The following ELP3 variants were observed in gnomAD, a reference collection of about 807,000 sequenced individuals.
ELP3 encodes elongator complex protein 3.
A neutral mutation model predicts 74.9 loss-of-function variants in ELP3; 56 were observed. That is an observed-to-expected ratio of 0.75 (90% CI 0.60 to 0.93). ELP3 has a LOEUF of 0.93. Among genes scored for constraint, ELP3 ranks in the 40% least tolerant of loss-of-function variants. The pLI is 0.00. For missense variants in ELP3, 573 were observed against 686.5 expected (o/e 0.83, Z 1.85); for synonymous variants, 222 against 239.8 (o/e 0.93, Z 0.68).
At chr8:28,134,927 GC>G (rs1229326723) in intron 9 of ELP3, among the ~76,000 whole-genome samples, 1 of 147,466 alleles carries the variant, frequency 6.8e-6, no homozygotes, top group Non-Finnish European at 1.5e-5. Context: ...AGTTTCTTAT[GC>G]CTTTTTTTTT....
In ELP3 at chr8:28,107,993, G is replaced by T. The variant is rs758624669; in HGVS notation, c.393+17G>T. 1.9e-6 allele frequency: 3 copies of T among 1,605,902 alleles called. No homozygotes were observed. The Admixed American group carries it at 5.0e-5, about 27-fold the overall frequency. On this transcript the variant is annotated intron_variant, in intron 5 of 14. Coordinates refer to ENST00000256398, the MANE Select transcript of ELP3 (RefSeq NM_018091.6). ...GGCTATGAGGTACAGTAACTTTGAG[G>T]CTGTCCTGATGAAATGTTGCATCAT...
chr8:28,101,398 C>T (rs1263436422), intron 3 of ELP3, among the ~76,000 whole-genome samples: 1 of 151,652 alleles, frequency 6.6e-6, no homozygotes, highest in Non-Finnish European at 1.5e-5. Flanking sequence ...CCAGCCTGGG[C>T]GAAAAAGCGA....
intron 10 of ELP3, among the ~76,000 whole-genome samples, chr8:28,142,391 A>G (rs757701285): frequency 2.0e-5 from 3 of 152,188 alleles, no homozygotes; most frequent in African/African-American, 4.8e-5. Context: ...CAACTGTCAC[A>G]TATGTTTCTC....
At chr8:28,162,226 C>G (rs996665991) in intron 14 of ELP3, 148 bp downstream of exon 14, 1 of 785,298 alleles carries the variant, frequency 1.3e-6, no homozygotes, top group Admixed American at 2.5e-5. Context: ...TGTGCTCAAA[C>G]AAAATTCACA....
chr8:28,158,519 T>G (rs1263711601), intron 11 of ELP3, 49 bp from the exon 12 acceptor site: 2 of 1,187,654 alleles, frequency 1.7e-6, no homozygotes, highest in African/African-American at 3.0e-5. Context: ...GTTTTATATT[T>G]GTACCCCTCC....
intron 1 of ELP3, among the ~76,000 whole-genome samples, chr8:28,096,890 G>A (rs1430234271): frequency 1.3e-5 from 2 of 152,174 alleles, no homozygotes; most frequent in Non-Finnish European, 2.9e-5. Flanking sequence ...AAAGGGAAGA[G>A]AATTACTTTG....
At chr8:28,157,989 C>G (rs1283028799) in intron 11 of ELP3, among the ~76,000 whole-genome samples, 1 of 148,708 alleles carries the variant, frequency 6.7e-6, no homozygotes, top group African/African-American at 2.5e-5. Context: ...TCTCTTCCTT[C>G]CTTCCTTCTT....
At chr8:28,100,131 G>A (rs181921071) in intron 3 of ELP3, among the ~76,000 whole-genome samples, 165 bp downstream of exon 3, 1 of 152,290 alleles carries the variant, frequency 6.6e-6, no homozygotes, top group Non-Finnish European at 1.5e-5. Context: ...CTGAATGCAA[G>A]GAGAGCAGAG....
At chr8:28,160,537 A>G in intron 13 of ELP3, 81 bp downstream of exon 13, 2 of 1,242,656 alleles carry the variant, frequency 1.6e-6, no homozygotes, top group Non-Finnish European at 2.3e-6. Context: ...TGAAGAGAAG[A>G]GGAAGAGGCA....
At chr8:28,107,868 C>G (rs770482049) in intron 4 of ELP3, 45 bp from the exon 5 acceptor site, 9 of 1,523,668 alleles carry the variant, frequency 5.9e-6, no homozygotes, top group Non-Finnish European at 7.3e-6. Flanking sequence ...GCTGATTGAA[C>G]TCAGTTTTGC....
Position 28,160,472 on chromosome 8 carries a change from T to C in ELP3, c.1485+16T>C. The C allele has an allele frequency of 6.2e-7, 1 of 1,605,376 alleles. No homozygotes were observed. The highest frequency in any genetic ancestry group is 1.3e-5 in the African/African-American group (1 of 74,726). On this transcript the variant is annotated intron_variant, in intron 13 of 14. Coordinates refer to ENST00000256398, the MANE Select transcript of ELP3 (RefSeq NM_018091.6). ...TCAGCATCAGGTATCCTGTATTCCA[T>C]TTCTATTTGACTTCTAAGAAACTGC... is the stretch of plus-strand genomic sequence containing the variant.
intron 7 of ELP3, chr8:28,113,747 T>G (rs1478537191): frequency 2.6e-5 from 4 of 152,166 alleles, no homozygotes; most frequent in Admixed American, 2.6e-4. Flanking sequence ...TACTACGTCA[T>G]CACACGGCAA....
chr8:28,168,791 T>G (rs1814408424), intron 14 of ELP3, among the ~76,000 whole-genome samples: 1 of 152,234 alleles, frequency 6.6e-6, no homozygotes, highest in African/African-American at 2.4e-5. Context: ...TATTTGACAT[T>G]GCCTTAATTC....
intron 7 of ELP3, chr8:28,118,984 G>A (rs1218959628): frequency 2.0e-5 from 3 of 150,676 alleles, no homozygotes; most frequent in Non-Finnish European, 4.4e-5. Context: ...AGGCCCAGAA[G>A]ACAATTTCGT....
At chr8:28,154,520 A>G (rs1813755961) in intron 10 of ELP3, among the ~76,000 whole-genome samples, 1 of 152,182 alleles carries the variant, frequency 6.6e-6, no homozygotes, top group East Asian at 1.9e-4. Flanking sequence ...TTTAATCTAT[A>G]TGATGTATAG....
At chr8:28,094,447 G>C (rs921298328) in intron 1 of ELP3, among the ~76,000 whole-genome samples, 7 of 152,216 alleles carry the variant, frequency 4.6e-5, no homozygotes, top group African/African-American at 1.7e-4. Context: ...GGCCAGGCGC[G>C]GTGGCTCATG....
At chr8:28,093,954 A>G (rs1811149730) in intron 1 of ELP3, among the ~76,000 whole-genome samples, 1 of 152,238 alleles carries the variant, frequency 6.6e-6, no homozygotes, top group Non-Finnish European at 1.5e-5. Context: ...CCAGACCAAA[A>G]TTATACTTAG....
At chr8:28,188,407 G>C (rs1057025857) in intron 14 of ELP3, among the ~76,000 whole-genome samples, 2 of 152,002 alleles carry the variant, frequency 1.3e-5, no homozygotes, top group African/African-American at 4.8e-5. Context: ...CTCCTGGGTG[G>C]GGACCTGTCA....
At chr8:28,130,328 G>C (rs1812741817) in intron 8 of ELP3, among the ~76,000 whole-genome samples, 1 of 152,152 alleles carries the variant, frequency 6.6e-6, no homozygotes, top group Admixed American at 6.6e-5. Context: ...TTTGGAGGAA[G>C]GATGTGTTGA....
Sources: allele counts gnomAD v4.1 joint callset (sites outside exome capture counted in the v4.1 genomes callset), GRCh38; gene constraint gnomAD v4.1.1; transcripts MANE v1.5; gene names NCBI Gene and HGNC (gene_info 2026-07-23, HGNC 2026-07-21).